The following BPIFB6 variants were observed in gnomAD, a reference collection of about 807,000 sequenced individuals.
BPIFB6 encodes the protein BPI fold containing family B member 6.
A neutral mutation model predicts 54.7 loss-of-function variants in BPIFB6; 47 were observed. The observed-to-expected ratio is 0.86, with a 90% CI of 0.68 to 1.10. BPIFB6 has a LOEUF of 1.10. BPIFB6 is among the 50% of genes least tolerant of loss of function. The probability of loss-of-function intolerance (pLI) is 0.00; values close to 1 mark genes in which losing one functional copy is unlikely to be tolerated. For synonymous variants in BPIFB6, 255 were observed against 225.9 expected (o/e 1.13, Z -1.16); for missense variants, 603 against 564.1 (o/e 1.07, Z -0.70).
chr20:33,040,280 G>A lies in BPIFB6; in HGVS notation c.1104G>A (p.Val368=), dbSNP rs373984804. Residue 368 remains valine (V), a synonymous_variant, in exon 11 of 15, where the codon GTG becomes GTA. Transcript: ENST00000349552. ...TCAATCTGAAGGTCCAGTACTCAGT[G>A]CATGAGAACCAGCTGCAGATGGCCA... is the stretch of plus-strand genomic sequence containing the variant. ...VHFNLKVQYS[V]HENQLQMATS... 3.1e-6 allele frequency: 5 copies of A among 1,614,162 alleles called. No individual in the cohort carries two copies. Among genetic ancestry groups the A allele is most frequent in the East Asian group, 4.5e-5 (2 of 44,882 alleles).
At position 33,040,240 on chromosome 20, in the gene BPIFB6, C is replaced by A. The variant is rs748712371; in HGVS notation, c.1075-11C>A. 2 of 1,613,754 alleles carry A rather than the reference C, an allele frequency of 1.2e-6. No individual in the cohort carries two copies. The highest frequency in any genetic ancestry group is 1.6e-4 in the Middle Eastern group (1 of 6,082). ...CACTGCCTTCTCCCTGCTTCCTCCC[C>A]ACCATGCCAGCACTTCAATCTGAAG... On this transcript the variant is annotated splice_polypyrimidine_tract_variant and intron_variant, in intron 10 of 14. Transcript: ENST00000349552.
chr20:33,034,356 A>C (rs1341977956), intron 3 of BPIFB6, 66 bp downstream of exon 3: 3 of 1,080,274 alleles, frequency 2.8e-6, no homozygotes, highest in Non-Finnish European at 2.9e-6. Flanking sequence ...TTACATGCAC[A>C]TATATTGAGT....
At chr20:33,039,079 C>A in intron 9 of BPIFB6, 117 bp downstream of exon 9, 1 of 1,221,360 alleles carries the variant, frequency 8.2e-7, no homozygotes, top group Non-Finnish European at 1.2e-6. Flanking sequence ...TTGTCCAATG[C>A]TGAAACATCT....
chr20:33,037,219 G>A (rs1057407565), intron 7 of BPIFB6, among the ~76,000 whole-genome samples: 11 of 152,186 alleles, frequency 7.2e-5, no homozygotes, highest in African/African-American at 2.2e-4. Context: ...TACACGCCCC[G>A]TGTCGATTTC....
chr20:33,034,994 C>T (rs1183172184), intron 4 of BPIFB6, 82 bp downstream of exon 4: 3 of 1,608,506 alleles, frequency 1.9e-6, no homozygotes, highest in Non-Finnish European at 2.6e-6. Flanking sequence ...CCATGGAACC[C>T]CCTTAACCAT....
intron 6 of BPIFB6, 144 bp downstream of exon 6, chr20:33,035,816 C>G (rs978251339): frequency 3.5e-6 from 3 of 863,808 alleles, no homozygotes; most frequent in East Asian, 2.6e-5. Context: ...TTCATCCCCC[C>G]ACTGTCCCGA....
intron 13 of BPIFB6, 84 bp downstream of exon 13, chr20:33,042,962 C>T: frequency 7.7e-7 from 1 of 1,293,276 alleles, no homozygotes; most frequent in Non-Finnish European, 1.1e-6. Context: ...TCTCAAAGCC[C>T]TATCACTGGG....
At chr20:33,042,376 A>C (rs986439761) in intron 12 of BPIFB6, among the ~76,000 whole-genome samples, 1 of 151,938 alleles carries the variant, frequency 6.6e-6, no homozygotes, top group African/African-American at 2.4e-5. Flanking sequence ...ACCACCACTT[A>C]CTCTGCGATC....
At chr20:33,042,043 C>T (rs764784788) in intron 12 of BPIFB6, 28 bp downstream of exon 12, 1 of 1,607,484 alleles carries the variant, frequency 6.2e-7, no homozygotes, top group African/African-American at 1.3e-5. Flanking sequence ...TCTTGCCTGT[C>T]CGGCGTGAGG....
rs143653334 is a variant in BPIFB6, at chr20:33,031,720, C to T, written c.73C>T (p.Arg25Trp). Reference protein sequence around the residue: ...GTRADPGALLRLGMDIMNQVQ... With the variant: ...GTRADPGALLWLGMDIMNQVQ... Reference sequence around the variant, plus strand: ...GCGAGCTGACCCTGGGGCACTGCTGCGGTTGGGCATGGACATCATGAACCG... The same window carrying T: ...GCGAGCTGACCCTGGGGCACTGCTGTGGTTGGGCATGGACATCATGAACCG... The change falls in exon 1 of 15, where the codon CGG becomes TGG. Residue 25 changes from arginine to tryptophan, a missense_variant. Arg to Trp is a moderately radical substitution (Grantham distance 101). Transcript: ENST00000349552. 1.2e-5 allele frequency: 20 copies of T among 1,613,938 alleles called. No homozygotes were observed. Among genetic ancestry groups the T allele is most frequent in the African/African-American group, 1.1e-4 (8 of 74,932 alleles).
rs1600528402 is a variant in BPIFB6 at position 33,043,215 on chromosome 20, A to G, written c.1253-76A>G. 3.1e-6 allele frequency: 4 copies of G among 1,299,222 alleles called. No homozygotes were observed. The East Asian group carries it at 9.2e-5, about 30-fold the overall frequency. 80.5% of individuals were successfully genotyped at this position (1,299,222 alleles called of 1,614,324 possible). On this transcript the variant is annotated intron_variant, in intron 13 of 14. Transcript: ENST00000349552. The stretch of plus-strand genomic sequence containing the variant: ...ATCAATCACTGCACTATTTCCCACT[A>G]TCCCTACCCCAGGCTGCCACTCCTT...
chr20:33,042,378 T>C (rs1217811489), intron 12 of BPIFB6, among the ~76,000 whole-genome samples: 1 of 152,204 alleles, frequency 6.6e-6, no homozygotes, highest in Non-Finnish European at 1.5e-5. Flanking sequence ...CACCACTTAC[T>C]CTGCGATCAT....
chr20:33,034,151 A>G (rs1301499358), intron 2 of BPIFB6, 35 bp from the exon 3 acceptor site: 1 of 1,511,526 alleles, frequency 6.6e-7, no homozygotes, highest in Admixed American at 1.7e-5. Context: ...TTGCCTGCTC[A>G]GATCTTATTG....
In BPIFB6 at chr20:33,034,296, T is replaced by G; in HGVS notation, c.302+6T>G. On this transcript the variant is annotated splice_donor_region_variant and intron_variant, in intron 3 of 14. Coordinates refer to ENST00000349552, the MANE Select transcript of BPIFB6 (RefSeq NM_174897.2). The stretch of plus-strand genomic sequence containing the variant: ...ATGACCGTCACTGGCAAGAGGTGAG[T>G]GTGGCAGGGGAGGGGCAGCGGGGAG... 6.2e-7 allele frequency: 1 copy of G among 1,602,666 alleles called. No individual in the cohort carries two copies. Among genetic ancestry groups the G allele is most frequent in the Non-Finnish European group, 8.5e-7 (1 of 1,169,790 alleles).
intron 12 of BPIFB6, among the ~76,000 whole-genome samples, chr20:33,042,462 T>C (rs1265594744): frequency 6.6e-6 from 1 of 152,002 alleles, no homozygotes; most frequent in Non-Finnish European, 1.5e-5. Context: ...CTTTCAAAGG[T>C]GGGGAAACTC....
intron 2 of BPIFB6, chr20:33,033,642 G>A (rs1199708748): frequency 4.4e-6 from 2 of 456,794 alleles, no homozygotes; most frequent in Non-Finnish European, 8.8e-6. Flanking sequence ...TTGTTACCCT[G>A]GATCTCAACT....
chr20:33,035,013 A>C, intron 4 of BPIFB6, 68 bp from the exon 5 acceptor site: 1 of 1,609,612 alleles, frequency 6.2e-7, no homozygotes, highest in South Asian at 1.1e-5. Flanking sequence ...ATGCCCCTTC[A>C]TGTCCTGTGC....
In BPIFB6 at chr20:33,042,895, G is replaced by A. The variant is rs539702956; in HGVS notation, c.1252+17G>A. The A allele has an allele frequency of 3.1e-6, 5 of 1,612,068 alleles. No individual in the cohort carries two copies. The highest frequency in any genetic ancestry group is 4.2e-6 in the Non-Finnish European group (5 of 1,178,450). On this transcript the variant is annotated intron_variant, in intron 13 of 14. Transcript: ENST00000349552. ...TTGTCAATGGTGAGGGTTCCAAAAG[G>A]CTTTGGACCATGGTGCCAAGAAGCA...
chr20:33,042,628 G>A (rs1297022227), intron 12 of BPIFB6, among the ~76,000 whole-genome samples, 187 bp from the exon 13 acceptor site: 2 of 152,234 alleles, frequency 1.3e-5, no homozygotes, highest in Non-Finnish European at 2.9e-5. Flanking sequence ...AAGCAGAGGT[G>A]AAGGACACGG....
Sources: gnomAD v4.1 joint callset for allele counts (sites outside exome capture counted in the v4.1 genomes callset) on GRCh38, gnomAD v4.1.1 for gene constraint, MANE v1.5 for transcripts, NCBI Gene and HGNC (gene_info 2026-07-23, HGNC 2026-07-21) for gene names.